The following RFTN1 variants were observed in gnomAD, a reference collection of about 807,000 sequenced individuals.
RFTN1 encodes raftlin.
Under a neutral mutation model 46.5 loss-of-function variants are expected in RFTN1, and 26 were observed. The ratio of observed to expected loss-of-function variants is 0.56; its 90% confidence interval spans 0.41 to 0.78. The LOEUF is 0.78. RFTN1 is among the 30% of genes least tolerant of loss of function. The pLI, the probability that RFTN1 is intolerant of heterozygous loss-of-function variation, is 0.00. For synonymous variants in RFTN1, 261 were observed against 284.2 expected, an observed-to-expected ratio of 0.92 and a Z score of 0.82; for missense variants, 693 against 718.7, an observed-to-expected ratio of 0.96 and a Z score of 0.41.
rs1427153706 is a variant in RFTN1, at chr3:16,387,600, CTCTCTCTCTCTA to C, written c.442-9510_442-9499del. Among the ~76,000 whole-genome samples, 8 of 149,492 alleles carry C rather than the reference CTCTCTCTCTCTA, an allele frequency of 5.4e-5. No homozygotes were observed. The highest frequency in any genetic ancestry group is 1.7e-4 in the African/African-American group (7 of 40,470). ...TCTCTCTCTCTCTCTCTCTCTCTCT[CTCTCTCTCTCTA>C]CTGGCTCCTTCCACTCAGCATACAA... is the stretch of plus-strand genomic sequence containing the variant. On this transcript the variant is annotated intron_variant, in intron 4 of 9. Coordinates refer to ENST00000334133, the MANE Select transcript of RFTN1 (RefSeq NM_015150.2). The surrounding 1 kb of genome is among the most constrained non-coding windows in gnomAD (Gnocchi z 5.2).
chr3:16,371,099 A>G (rs1347314200), intron 5 of RFTN1: 1 of 152,232 alleles, frequency 6.6e-6, no homozygotes, highest in Non-Finnish European at 1.5e-5. Context: ...CATTTAGTCA[A>G]GCAATCAGTT....
chr3:16,363,901 A>G (rs1042053748), intron 6 of RFTN1, among the ~76,000 whole-genome samples: 1 of 152,180 alleles, frequency 6.6e-6, no homozygotes, highest in African/African-American at 2.4e-5. Flanking sequence ...CGTAAGCCCA[A>G]CTGCACATGC....
rs1420981223 is a variant in RFTN1 at position 16,344,375 on chromosome 3, A to AT, written c.1146+13556dup. ...AGGATGCTTCCTATAGGCATCAACT[A>AT]TAATCTAATTTAGAAACAACATGTA... On this transcript the variant is annotated intron_variant, in intron 7 of 9. Transcript: ENST00000334133. This position sits in a 1 kb window ranked among gnomAD's most constrained non-coding sequence, Gnocchi z 4.4. 6.6e-6 allele frequency among the ~76,000 whole-genome samples: 1 copy of AT among 151,974 alleles called. No homozygotes were observed. The highest frequency in any genetic ancestry group is 1.5e-5 in the Non-Finnish European group (1 of 68,006).
At chr3:16,445,150 C>T (rs2075702471) in intron 2 of RFTN1, among the ~76,000 whole-genome samples, 1 of 152,116 alleles carries the variant, frequency 6.6e-6, no homozygotes, top group Admixed American at 6.5e-5. Flanking sequence ...GTTCCAAAAA[C>T]AATGCTGTTG....
Position 16,421,211 on chromosome 3 carries a change from T to C in RFTN1, c.333-11728A>G, listed in dbSNP as rs1441581100. On this transcript the variant is annotated intron_variant, in intron 3 of 9. Transcript: ENST00000334133. The surrounding 1 kb of genome is among the most constrained non-coding windows in gnomAD (Gnocchi z 4.6). ...GTAAGTTCACACTATTAATAGCTAATACCTCAAGGCAAAATATACACTTGA... is the reference window on the plus strand; with the variant it reads ...GTAAGTTCACACTATTAATAGCTAACACCTCAAGGCAAAATATACACTTGA... Among the ~76,000 whole-genome samples the C allele has an allele frequency of 6.6e-6, 1 of 152,210 alleles. No homozygotes were observed.
Position 16,327,686 on chromosome 3 carries a change from G to A in RFTN1, c.1147-810C>T, listed in dbSNP as rs1389376261. 2.6e-5 allele frequency among the ~76,000 whole-genome samples: 4 copies of A among 152,038 alleles called. No individual in the cohort carries two copies. The highest frequency in any genetic ancestry group is 6.5e-5 in the Admixed American group (1 of 15,268). On this transcript the variant is annotated intron_variant, in intron 7 of 9. Coordinates refer to ENST00000334133, the MANE Select transcript of RFTN1 (RefSeq NM_015150.2). This position sits in a 1 kb window ranked among gnomAD's most constrained non-coding sequence, Gnocchi z 4.2. ...TGAGGCAGGAGAATGGCGTGAACCCGGGAGGTGGAGCTTGCAGTGAGCTGA... is the reference window on the plus strand; with the variant it reads ...TGAGGCAGGAGAATGGCGTGAACCCAGGAGGTGGAGCTTGCAGTGAGCTGA...
rs2075842760 is a variant in RFTN1 at position 16,452,851 on chromosome 3, G to GTGTTTCAGAATTTAAA, written c.146-18830_146-18815dup. 6.6e-6 allele frequency among the ~76,000 whole-genome samples: 1 copy of GTGTTTCAGAATTTAAA among 152,180 alleles called. No homozygotes were observed. Among genetic ancestry groups the GTGTTTCAGAATTTAAA allele is most frequent in the Non-Finnish European group, 1.5e-5 (1 of 68,040 alleles). ...TCCCTATCAAGTTCTTTTGCACTTA[G>GTGTTTCAGAATTTAAA]TGTTTCAGAATTTAAATGCTGCTTT... On this transcript the variant is annotated intron_variant, in intron 2 of 9. Coordinates refer to ENST00000334133, the MANE Select transcript of RFTN1 (RefSeq NM_015150.2). The surrounding 1 kb of genome is among the most constrained non-coding windows in gnomAD (Gnocchi z 6.3).
At chr3:16,333,483 A>T (rs1446978747) in intron 7 of RFTN1, among the ~76,000 whole-genome samples, 5 of 152,190 alleles carry the variant, frequency 3.3e-5, no homozygotes, top group African/African-American at 1.2e-4. Flanking sequence ...CTATCTAATT[A>T]TGTCATTCCT....
In RFTN1 at chr3:16,443,127, T is replaced by A. The variant is rs2075663257; in HGVS notation, c.146-9090A>T. Among the ~76,000 whole-genome samples the A allele has an allele frequency of 6.6e-6, 1 of 152,240 alleles. No individual in the cohort carries two copies. The highest frequency in any genetic ancestry group is 2.1e-4 in the South Asian group (1 of 4,830). On this transcript the variant is annotated intron_variant, in intron 2 of 9. Coordinates refer to ENST00000334133, the MANE Select transcript of RFTN1 (RefSeq NM_015150.2). This position sits in a 1 kb window ranked among gnomAD's most constrained non-coding sequence, Gnocchi z 5.5. ...CTAGATCATAGGATATTTCTATTTT[T>A]AATTTTTGATGAACCTCCATATTGT...
At position 16,387,575 on chromosome 3, in the gene RFTN1, TC is replaced by T. The variant is rs2074226062; in HGVS notation, c.442-9474del. On this transcript the variant is annotated intron_variant, in intron 4 of 9. Transcript: ENST00000334133. This position sits in a 1 kb window ranked among gnomAD's most constrained non-coding sequence, Gnocchi z 5.2. Reference sequence around the variant, plus strand: ...CTCTCTTCTATATCCTCAATTTCTCTCTCTCTCTCTCTCTCTCTCTCTCTCT... The same window carrying T: ...CTCTCTTCTATATCCTCAATTTCTCTTCTCTCTCTCTCTCTCTCTCTCTCT... Among the ~76,000 whole-genome samples, 3 of 42,950 alleles carry T rather than the reference TC, an allele frequency of 7.0e-5. No homozygotes were observed. In the Admixed American group the frequency reaches 9.8e-4, roughly 14 times the overall value. The allele number at this position is 42,950 out of a possible 152,430, so 28.2% of individuals were successfully genotyped here. A position where few individuals can be genotyped will look rare whatever the true frequency, so the allele number is the denominator to read the frequency against.
Position 16,438,978 on chromosome 3 carries a change from A to G in RFTN1, c.146-4941T>C, listed in dbSNP as rs954288647. Among the ~76,000 whole-genome samples the G allele has an allele frequency of 3.0e-4, 45 of 152,240 alleles. 1 individual carries two copies. The highest frequency in any genetic ancestry group is 5.6e-4 in the Non-Finnish European group (38 of 68,040). ...ACTTTATATTTAAATGCTTCCTGAA[A>G]AAAACATAATACCTTTTAAATTTTT... On this transcript the variant is annotated intron_variant, in intron 2 of 9. Transcript: ENST00000334133.
In RFTN1 at chr3:16,509,175, C is replaced by A. The variant is rs1360031169; in HGVS notation, c.-9+4267G>T. 6.6e-6 allele frequency among the ~76,000 whole-genome samples: 1 copy of A among 152,014 alleles called. No homozygotes were observed. The highest frequency in any genetic ancestry group is 1.5e-5 in the Non-Finnish European group (1 of 67,996). ...CCCTGGCTGTGCCAAACTCAGTAAG[C>A]TTAAGACAAAATGAAAACAAACAAA... On this transcript the variant is annotated intron_variant, in intron 1 of 9. Coordinates refer to ENST00000334133, the MANE Select transcript of RFTN1 (RefSeq NM_015150.2). This position sits in a 1 kb window ranked among gnomAD's most constrained non-coding sequence, Gnocchi z 4.9.
rs544226458 is a variant in RFTN1 at position 16,460,924 on chromosome 3, C to G, written c.146-26887G>C. Among the ~76,000 whole-genome samples the G allele has an allele frequency of 8.5e-5, 13 of 152,338 alleles. No homozygotes were observed. The East Asian group carries it at 2.5e-3, about 29-fold the overall frequency. On this transcript the variant is annotated intron_variant, in intron 2 of 9. Transcript: ENST00000334133. The surrounding 1 kb of genome is among the most constrained non-coding windows in gnomAD (Gnocchi z 4.8). ...CTGGCCAGACTTCTTCAACAAATGA[C>G]AGACAAAGCAGGTTTGGTCCCAATG... is the stretch of plus-strand genomic sequence containing the variant.
chr3:16,430,226 T>C (rs2075358938), intron 3 of RFTN1, among the ~76,000 whole-genome samples: 1 of 152,072 alleles, frequency 6.6e-6, no homozygotes, highest in Non-Finnish European at 1.5e-5. Context: ...TCCTCCCACC[T>C]CAGCCTCCCG....
At position 16,426,660 on chromosome 3, in the gene RFTN1, CGTGTGTGTGTGTGTGTGTGTGT is replaced by C. The variant is rs34705903; in HGVS notation, c.332+7169_332+7190del. On this transcript the variant is annotated intron_variant, in intron 3 of 9. Transcript: ENST00000334133. This position sits in a 1 kb window ranked among gnomAD's most constrained non-coding sequence, Gnocchi z 5.9. ...ACTGTTATTTTGGCAATGAAAGGAT[CGTGTGTGTGTGTGTGTGTGTGT>C]GTGTGTGTGTGTGTGTCTGTTCCAT... Among the ~76,000 whole-genome samples the C allele has an allele frequency of 7.0e-6, 1 of 142,026 alleles. No individual in the cohort carries two copies. The highest frequency in any genetic ancestry group is 1.5e-5 in the Non-Finnish European group (1 of 65,570). 93.2% of individuals were successfully genotyped at this position (142,026 alleles called of 152,430 possible).
At chr3:16,430,407 T>A (rs906475379) in intron 3 of RFTN1, among the ~76,000 whole-genome samples, 5 of 152,220 alleles carry the variant, frequency 3.3e-5, no homozygotes, top group Admixed American at 2.0e-4. Flanking sequence ...CCACTGCACC[T>A]GGCCTTGATG....
Position 16,435,428 on chromosome 3 carries a change from G to A in RFTN1, c.146-1391C>T, listed in dbSNP as rs148038293. 4.7e-3 allele frequency among the ~76,000 whole-genome samples: 713 copies of A among 152,230 alleles called. 5 individuals carry two copies. The highest frequency in any genetic ancestry group is 0.014 in the Middle Eastern group (4 of 294). On this transcript the variant is annotated intron_variant, in intron 2 of 9. Coordinates refer to ENST00000334133, the MANE Select transcript of RFTN1 (RefSeq NM_015150.2). ...TGCTAAAAATATAAAAAATTAGTCCGGTGTGGTGGTGCATGCCTGTAATCC... is the reference window on the plus strand; with the variant it reads ...TGCTAAAAATATAAAAAATTAGTCCAGTGTGGTGGTGCATGCCTGTAATCC...
rs111802586 is a variant in RFTN1, at chr3:16,396,891, C to T, written c.441+12484G>A. On this transcript the variant is annotated intron_variant, in intron 4 of 9. Transcript: ENST00000334133. ...CAGCCTGGCCAACATGGCGAAATCCCGTTTCCACTAAAAATACAAAAATTA... is the reference window on the plus strand; with the variant it reads ...CAGCCTGGCCAACATGGCGAAATCCTGTTTCCACTAAAAATACAAAAATTA... Among the ~76,000 whole-genome samples the T allele has an allele frequency of 7.5e-3, 1,143 of 152,020 alleles. 10 individuals are homozygous for T. Among genetic ancestry groups the T allele is most frequent in the African/African-American group, 0.026 (1,062 of 41,478 alleles).
chr3:16,340,686 T>G (rs534900722), intron 7 of RFTN1, among the ~76,000 whole-genome samples: 4 of 152,354 alleles, frequency 2.6e-5, no homozygotes, highest in Admixed American at 2.6e-4. Context: ...GGAAGGTAAC[T>G]CTGCAGTTAT....
Sources: allele counts gnomAD v4.1 joint callset (sites outside exome capture counted in the v4.1 genomes callset), GRCh38; gene constraint gnomAD v4.1.1; non-coding constraint Gnocchi (gnomAD v3.1); transcripts MANE v1.5; gene names NCBI Gene and HGNC (gene_info 2026-07-23, HGNC 2026-07-21).